RPL19: variants seen among roughly 807,000 people sequenced by gnomAD.
The protein encoded by RPL19 is large ribosomal subunit protein eL19.
Under a neutral mutation model 25.1 loss-of-function variants are expected in RPL19, and 2 were observed. The observed-to-expected ratio is 0.08, with a 90% CI of 0.03 to 0.25. The LOEUF (loss-of-function observed/expected upper bound fraction) is 0.25, where lower values mean the gene tolerates loss of function less well. Among genes scored for constraint, RPL19 ranks in the 10% least tolerant of loss-of-function variants. RPL19 has a pLI of 1.00. For missense variants in RPL19, 123 were observed against 271.8 expected (o/e 0.45, Z 3.85); for synonymous variants, 89 against 91.2 (o/e 0.98, Z 0.14).
intron 5 of RPL19, 117 bp from the exon 6 acceptor site, chr17:39,204,408 C>A: frequency 7.7e-7 from 1 of 1,307,104 alleles, no homozygotes; most frequent in Non-Finnish European, 1.1e-6. Context: ...TTGGTGGGCC[C>A]AGCAACTCAT....
intron 1 of RPL19, 99 bp from the exon 2 acceptor site, chr17:39,201,114 C>T (rs770800405): frequency 6.5e-6 from 5 of 773,574 alleles, no homozygotes; most frequent in South Asian, 3.2e-5. Flanking sequence ...TCTTATTTCG[C>T]GGCTGTGGTG....
chr17:39,200,635 A>C, intron 1 of RPL19: 2 of 1,189,134 alleles, frequency 1.7e-6, no homozygotes, highest in Non-Finnish European at 2.1e-6. Flanking sequence ...AACAAGACCA[A>C]GCCGTGGGCC....
intron 2 of RPL19, 99 bp from the exon 3 acceptor site, chr17:39,202,217 TG>T: frequency 2.8e-6 from 4 of 1,446,812 alleles, no homozygotes; most frequent in Non-Finnish European, 3.8e-6. Context: ...TTTGAGACCG[TG>T]GGGCCAAGAA....
intron 1 of RPL19, among the ~76,000 whole-genome samples, chr17:39,200,909 A>C (rs1341382273): frequency 6.6e-6 from 1 of 152,220 alleles, no homozygotes; most frequent in African/African-American, 2.4e-5. Context: ...ACTCACCTCG[A>C]ATATTCTTTA....
chr17:39,203,073 G>T lies in RPL19; in HGVS notation c.320G>T (p.Arg107Ile), dbSNP rs2046301694. Residue 107 changes from arginine (R) to isoleucine (I), a missense_variant, in exon 4 of 6, where the codon AGA (arginine) becomes ATA (isoleucine). Coordinates refer to ENST00000225430, the MANE Select transcript of RPL19 (RefSeq NM_000981.4). ...RRMRILRRLL[R>I]RYRESKKIDR... ...ATGAGGATTTTGCGCCGGCTGCTCA[G>T]AAGATACCGTGAATCTAAGAAGATC... 6.2e-7 allele frequency: 1 copy of T among 1,612,488 alleles called. No individual in the cohort carries two copies.
At chr17:39,203,612 A>G (rs1427159226) in intron 4 of RPL19, among the ~76,000 whole-genome samples, 1 of 151,570 alleles carries the variant, frequency 6.6e-6, no homozygotes, top group Admixed American at 6.6e-5. Context: ...AGGTTCAAGC[A>G]CTTCACCTGC....
chr17:39,204,199 T>C lies in RPL19; in HGVS notation c.467+12T>C. ...AAGAAGCTCCTGGCGTAAGTTTCTT[T>C]TCAGAGTCTTAGGGGAACATTCTTA... On this transcript the variant is annotated intron_variant, in intron 5 of 5. Transcript: ENST00000225430. 1 of 1,508,078 alleles carries C rather than the reference T, an allele frequency of 6.6e-7. No individual in the cohort carries two copies. Among genetic ancestry groups the C allele is most frequent in the Middle Eastern group, 1.7e-4 (1 of 5,860 alleles). 93.4% of individuals were successfully genotyped at this position (1,508,078 alleles called of 1,614,324 possible).
rs2046311811 is a variant in RPL19 at position 39,204,606 on chromosome 17, GATC to G, written c.554_556del (p.Ile185del). 1.2e-6 allele frequency: 2 copies of G among 1,614,006 alleles called. No individual in the cohort carries two copies. Among genetic ancestry groups the G allele is most frequent in the East Asian group, 2.2e-5 (1 of 44,898 alleles). On this transcript the variant is annotated inframe_deletion, in exon 6 of 6. Transcript: ENST00000225430. Reference sequence around the variant, plus strand: ...AGCGCCTCCAGGCCAAGAAGGAGGAGATCATCAAGACTTTATCCAAGGAGGAAG... The same window carrying G: ...AGCGCCTCCAGGCCAAGAAGGAGGAGATCAAGACTTTATCCAAGGAGGAAG...
At chr17:39,201,396 T>G in intron 2 of RPL19, 77 bp downstream of exon 2, 5 of 866,020 alleles carry the variant, frequency 5.8e-6, no homozygotes, top group Non-Finnish European at 7.2e-6. Flanking sequence ...CACAATTGTG[T>G]TGACTTTTTT....
intron 4 of RPL19, among the ~76,000 whole-genome samples, chr17:39,203,446 G>T (rs1361295037): frequency 1.3e-5 from 2 of 151,000 alleles, no homozygotes; most frequent in Non-Finnish European, 2.9e-5. Flanking sequence ...CTCCCAAAGT[G>T]CTGGGGTTAT....
Position 39,200,355 on chromosome 17 carries a change from G to C in RPL19, c.5+6G>C. 6.4e-7 allele frequency: 1 copy of C among 1,567,852 alleles called. No individual in the cohort carries two copies. The highest frequency in any genetic ancestry group is 1.2e-5 in the South Asian group (1 of 84,814). Reference sequence around the variant, plus strand: ...GCTGCGGCCGCAGCCATGAGGTGAGGGCGAGCTGGTCTCCATCAGGCGCTG... The same window carrying C: ...GCTGCGGCCGCAGCCATGAGGTGAGCGCGAGCTGGTCTCCATCAGGCGCTG... On this transcript the variant is annotated splice_donor_region_variant and intron_variant, in intron 1 of 5. Coordinates refer to ENST00000225430, the MANE Select transcript of RPL19 (RefSeq NM_000981.4).
chr17:39,201,190 AATC>A lies in RPL19; in HGVS notation c.6-20_6-18del, dbSNP rs776406537. On this transcript the variant is annotated intron_variant, in intron 1 of 5. Coordinates refer to ENST00000225430, the MANE Select transcript of RPL19 (RefSeq NM_000981.4). ...TGCCCAGGATTGGCTTTCAGAGTCT[AATC>A]ATGTTTTCTGTGTGTCTAGTATGCT... 6.1e-5 allele frequency: 93 copies of A among 1,525,330 alleles called. No individual in the cohort carries two copies. The highest frequency in any genetic ancestry group is 3.4e-4 in the Middle Eastern group (2 of 5,884). 94.5% of individuals were successfully genotyped at this position (1,525,330 alleles called of 1,614,324 possible).
In RPL19 at chr17:39,200,295, A is replaced by G; in HGVS notation, c.-50A>G. The G allele has an allele frequency of 6.7e-7, 1 of 1,501,698 alleles. No individual in the cohort carries two copies. 93.0% of individuals were successfully genotyped at this position (1,501,698 alleles called of 1,614,324 possible). A position where few individuals can be genotyped will look rare whatever the true frequency, so the allele number is the denominator to read the frequency against. On this transcript the variant is annotated 5_prime_UTR_variant, in exon 1 of 6. Coordinates refer to ENST00000225430, the MANE Select transcript of RPL19 (RefSeq NM_000981.4). ...GGCTCTCCCCTTCGCAGATAATGGGAGGAGCCGGGCCCGAGCGAGCTCTTT... is the reference window on the plus strand; with the variant it reads ...GGCTCTCCCCTTCGCAGATAATGGGGGGAGCCGGGCCCGAGCGAGCTCTTT...
rs766124519 is a variant in RPL19 at position 39,200,322 on chromosome 17, C to A, written c.-23C>A. On this transcript the variant is annotated 5_prime_UTR_variant, in exon 1 of 6. Coordinates refer to ENST00000225430, the MANE Select transcript of RPL19 (RefSeq NM_000981.4). ...GAGCCGGGCCCGAGCGAGCTCTTTC[C>A]TTTCGCTGCTGCGGCCGCAGCCATG... The A allele has an allele frequency of 5.8e-6, 9 of 1,552,252 alleles. No individual in the cohort carries two copies. The highest frequency in any genetic ancestry group is 7.8e-6 in the Non-Finnish European group (9 of 1,150,646).
intron 3 of RPL19, 174 bp from the exon 4 acceptor site, chr17:39,202,815 C>T (rs1020034548): frequency 5.7e-6 from 4 of 698,424 alleles, no homozygotes; most frequent in Non-Finnish European, 9.5e-6. Flanking sequence ...ATTGAGTAAA[C>T]GAAAGAACTT....
chr17:39,202,208 T>A, intron 2 of RPL19, 109 bp from the exon 3 acceptor site: 1 of 1,374,032 alleles, frequency 7.3e-7, no homozygotes, highest in Non-Finnish European at 1.0e-6. Context: ...TCCATCCTTT[T>A]TGAGACCGTG....
In RPL19 at chr17:39,200,319, T is replaced by G; in HGVS notation, c.-26T>G. On this transcript the variant is annotated 5_prime_UTR_variant, in exon 1 of 6. Coordinates refer to ENST00000225430, the MANE Select transcript of RPL19 (RefSeq NM_000981.4). ...GAGGAGCCGGGCCCGAGCGAGCTCT[T>G]TCCTTTCGCTGCTGCGGCCGCAGCC... 1 of 1,549,630 alleles carries G rather than the reference T, an allele frequency of 6.5e-7. No homozygotes were observed.
At chr17:39,204,492 CA>C (rs1567822788) in intron 5 of RPL19, 32 bp from the exon 6 acceptor site, 2 of 1,612,802 alleles carry the variant, frequency 1.2e-6, no homozygotes, top group Non-Finnish European at 1.7e-6. Context: ...CATCTCTTCC[CA>C]AACTGACCCG....
intron 5 of RPL19, 68 bp from the exon 6 acceptor site, chr17:39,204,457 A>T: frequency 6.3e-7 from 1 of 1,582,642 alleles, no homozygotes; most frequent in South Asian, 1.1e-5. Flanking sequence ...AGGTCTGGGG[A>T]TGTGCTTCTG....
Sources: gnomAD v4.1 joint callset for allele counts (sites outside exome capture counted in the v4.1 genomes callset) on GRCh38, gnomAD v4.1.1 for gene constraint, MANE v1.5 for transcripts, NCBI Gene and HGNC (gene_info 2026-07-23, HGNC 2026-07-21) for gene names.